The following NRXN3 variants were observed in gnomAD, a reference collection of about 807,000 sequenced individuals.
The protein encoded by NRXN3 is neurexin 3.
A neutral mutation model predicts 137.6 loss-of-function variants in NRXN3; 32 were observed. The ratio of observed to expected loss-of-function variants is 0.23; its 90% CI spans 0.18 to 0.31. The LOEUF is 0.31. Among genes scored for constraint, NRXN3 ranks in the 10% least tolerant of loss-of-function variants. NRXN3 has a pLI of 1.00. For missense variants in NRXN3, 1,574 were observed against 2,062.5 expected (o/e 0.76, Z 4.59); for synonymous variants, 798 against 784.5 (o/e 1.02, Z -0.29).
chr14:79,326,408 T>C (rs1397159727), intron 15 of NRXN3, among the ~76,000 whole-genome samples: 1 of 152,166 alleles, frequency 6.6e-6, no homozygotes, highest in Non-Finnish European at 1.5e-5. Flanking sequence ...CTCCATTATA[T>C]AGTAAAGAAG....
intron 4 of NRXN3, among the ~76,000 whole-genome samples, chr14:78,358,736 G>C (rs574057961): frequency 1.3e-5 from 2 of 152,194 alleles, no homozygotes; most frequent in Admixed American, 6.5e-5. Context: ...TCAGGCTTTG[G>C]GCTTGGTGAC....
intron 19 of NRXN3, among the ~76,000 whole-genome samples, chr14:79,767,043 A>G (rs1229803576): frequency 6.6e-6 from 1 of 152,210 alleles, no homozygotes; most frequent in African/African-American, 2.4e-5. Context: ...TTTCCTGATA[A>G]GCTTTGAGCC....
intron 10 of NRXN3, among the ~76,000 whole-genome samples, chr14:78,883,212 G>A (rs2099134340): frequency 6.6e-6 from 1 of 152,078 alleles, no homozygotes; most frequent in African/African-American, 2.4e-5. Context: ...TAATATATAA[G>A]CCTTATTATT....
chr14:78,234,157 G>C (rs1448684611), intron 1 of NRXN3, among the ~76,000 whole-genome samples: 2 of 152,100 alleles, frequency 1.3e-5, no homozygotes, highest in African/African-American at 4.8e-5. Flanking sequence ...TGATTGTGAG[G>C]CTTCTCCAGC....
At chr14:79,258,704 A>G (rs74368120) in intron 15 of NRXN3, among the ~76,000 whole-genome samples, 1 of 152,192 alleles carries the variant, frequency 6.6e-6, no homozygotes, top group African/African-American at 2.4e-5. Flanking sequence ...CTCTTGGCTC[A>G]TTGTTGGTGA....
At chr14:78,770,298 C>T (rs1173988608) in intron 8 of NRXN3, among the ~76,000 whole-genome samples, 2 of 152,148 alleles carry the variant, frequency 1.3e-5, no homozygotes, top group Admixed American at 6.6e-5. Context: ...TGGTGCTTTC[C>T]GTGGCGTGGC....
chr14:78,542,677 G>T (rs1006803977), intron 4 of NRXN3, among the ~76,000 whole-genome samples: 3 of 152,102 alleles, frequency 2.0e-5, no homozygotes, highest in African/African-American at 7.2e-5. Flanking sequence ...ACTTCAGCTT[G>T]CCCTCCATGG....
chr14:78,559,949 A>T (rs189679833), intron 4 of NRXN3, among the ~76,000 whole-genome samples: 4 of 152,276 alleles, frequency 2.6e-5, no homozygotes, highest in African/African-American at 4.8e-5. Flanking sequence ...CACCTTTTGG[A>T]TTGTAAATTG....
At position 78,682,697 on chromosome 14, in the gene NRXN3, T is replaced by C. The variant is rs2098088025; in HGVS notation, c.1222-26520T>C. 1.4e-5 allele frequency among the ~76,000 whole-genome samples: 2 copies of C among 146,736 alleles called. 1 individual carries two copies. Among genetic ancestry groups the C allele is most frequent in the South Asian group, 4.5e-4 (2 of 4,472 alleles). On this transcript the variant is annotated intron_variant, in intron 6 of 20. Transcript: ENST00000335750. ...ACAGATACTACACTGTCATTGTGGA[T>C]GGGATGGGGTTTGGGTGGGGAATTG...
chr14:78,456,849 C>CTT (rs2094737105), intron 4 of NRXN3, among the ~76,000 whole-genome samples: 1 of 131,912 alleles, frequency 7.6e-6, no homozygotes, highest in African/African-American at 2.6e-5. Context: ...TTCTTTCTTT[C>CTT]TTTCTTTTTC....
At chr14:79,837,803 G>C (rs1307304288) in intron 20 of NRXN3, among the ~76,000 whole-genome samples, 2 of 152,160 alleles carry the variant, frequency 1.3e-5, no homozygotes, top group African/African-American at 4.8e-5. Context: ...CATGAAGGCT[G>C]TTTAGGAGCT....
At chr14:78,778,270 A>G (rs1408752464) in intron 8 of NRXN3, among the ~76,000 whole-genome samples, 14 of 152,190 alleles carry the variant, frequency 9.2e-5, no homozygotes, top group Admixed American at 8.5e-4. Context: ...TACATTCTCA[A>G]TGATAGACAA....
At chr14:78,581,958 A>G (rs1189847336) in intron 4 of NRXN3, among the ~76,000 whole-genome samples, 1 of 152,234 alleles carries the variant, frequency 6.6e-6, no homozygotes, top group Non-Finnish European at 1.5e-5. Context: ...CTCTTCATTA[A>G]TATCTGTTTG....
intron 1 of NRXN3, among the ~76,000 whole-genome samples, chr14:78,179,917 C>G (rs1178568527): frequency 2.1e-5 from 3 of 145,064 alleles, no homozygotes; most frequent in Non-Finnish European, 4.5e-5. Flanking sequence ...TTGATCTTGG[C>G]TCACTGCAAT....
At chr14:78,417,892 A>C (rs998304482) in intron 4 of NRXN3, among the ~76,000 whole-genome samples, 5 of 152,040 alleles carry the variant, frequency 3.3e-5, no homozygotes, top group African/African-American at 1.2e-4. Context: ...GAGTAGCTGG[A>C]ATTACAGGTG....
intron 19 of NRXN3, among the ~76,000 whole-genome samples, chr14:79,770,195 G>A (rs1281350059): frequency 6.6e-6 from 1 of 152,046 alleles, no homozygotes; most frequent in East Asian, 1.9e-4. Flanking sequence ...ACACCCCACT[G>A]TTAACATTAG....
intron 15 of NRXN3, among the ~76,000 whole-genome samples, chr14:79,039,926 A>G (rs780743264): frequency 6.6e-6 from 1 of 152,104 alleles, no homozygotes; most frequent in Non-Finnish European, 1.5e-5. Flanking sequence ...CTGGTCTCAA[A>G]CTACTGACCT....
intron 4 of NRXN3, 98 bp downstream of exon 4, chr14:78,297,958 G>A: frequency 1.4e-6 from 2 of 1,383,108 alleles, no homozygotes; most frequent in East Asian, 5.0e-5. Flanking sequence ...CAGGCCATTC[G>A]CTGCCTGTCC....
chr14:79,750,203 G>C (rs1219734002), intron 19 of NRXN3, among the ~76,000 whole-genome samples: 2 of 152,092 alleles, frequency 1.3e-5, no homozygotes, highest in Non-Finnish European at 2.9e-5. Context: ...TAAGAATAGG[G>C]ACTCAGCCTA....
Sources: allele counts gnomAD v4.1 joint callset (sites outside exome capture counted in the v4.1 genomes callset), GRCh38; gene constraint gnomAD v4.1.1; transcripts MANE v1.5; gene names NCBI Gene and HGNC (gene_info 2026-07-23, HGNC 2026-07-21).